The following KIAA0513 variants were observed in gnomAD, a reference collection of about 807,000 sequenced individuals.
The protein encoded by KIAA0513 is KIAA0513.
A neutral mutation model predicts 56.5 loss-of-function variants in KIAA0513; 39 were observed. That is an observed-to-expected ratio of 0.69 (90% CI 0.53 to 0.90). The LOEUF (loss-of-function observed/expected upper bound fraction) is 0.90, where lower values mean the gene tolerates loss of function less well. Ranked by LOEUF, KIAA0513 falls within the 40% of genes least tolerant of loss-of-function variation. KIAA0513 has a pLI of 0.00. For synonymous variants in KIAA0513, 268 were observed against 215.6 expected (o/e 1.24, Z -2.13); for missense variants, 591 against 535.2 (o/e 1.10, Z -1.03).
chr16:85,031,146 C>T (rs2072958712), intron 1 of KIAA0513, among the ~76,000 whole-genome samples: 1 of 152,068 alleles, frequency 6.6e-6, no homozygotes, highest in Admixed American at 6.6e-5. Context: ...CTGTAGAGGC[C>T]CAAGGTTCCA....
intron 1 of KIAA0513, among the ~76,000 whole-genome samples, chr16:85,057,763 G>GT: frequency 6.9e-6 from 1 of 144,842 alleles, no homozygotes; most frequent in Admixed American, 6.7e-5. Context: ...TCTGCTTTTT[G>GT]TTTTTGTTTT....
chr16:85,072,570 T>A (rs1043335538), intron 3 of KIAA0513, among the ~76,000 whole-genome samples: 4 of 152,126 alleles, frequency 2.6e-5, no homozygotes, highest in African/African-American at 9.7e-5. Context: ...AAAATGCAGA[T>A]GAGCAAAGAG....
In KIAA0513 at chr16:85,076,995, T is replaced by A. The variant is rs369527637; in HGVS notation, c.575-430T>A. Among the ~76,000 whole-genome samples the A allele has an allele frequency of 1.1e-4, 16 of 151,936 alleles. 1 individual carries two copies. In the South Asian group the frequency reaches 3.3e-3, roughly 32 times the overall value. ...CATGTCCATCCACTGGCTAAGGGAGTTTGGGTGCTGCCCAGACTCCTCCTC... is the reference window on the plus strand; with the variant it reads ...CATGTCCATCCACTGGCTAAGGGAGATTGGGTGCTGCCCAGACTCCTCCTC... On this transcript the variant is annotated intron_variant, in intron 5 of 12. Transcript: ENST00000683363. The surrounding 1 kb of genome is among the most constrained non-coding windows in gnomAD (Gnocchi z 4.7).
At chr16:85,068,990 A>G (rs1196773613) in intron 2 of KIAA0513, among the ~76,000 whole-genome samples, 1 of 152,108 alleles carries the variant, frequency 6.6e-6, no homozygotes, top group African/African-American at 2.4e-5. Context: ...CCAACGTAAG[A>G]TAATAAAGCT....
rs764554631 is a variant in KIAA0513, at chr16:85,078,384, G to A, written c.783-31G>A. The A allele has an allele frequency of 3.8e-5, 62 of 1,613,256 alleles. No individual in the cohort carries two copies. The Middle Eastern group carries it at 6.6e-4, about 17-fold the overall frequency. On this transcript the variant is annotated intron_variant, in intron 6 of 12. Transcript: ENST00000683363. The stretch of plus-strand genomic sequence containing the variant: ...GTTGAGAAAGTGTGGTGTGAGTCGC[G>A]TGTGTCATCATTGTGCCTTCTCTCC...
intron 1 of KIAA0513, among the ~76,000 whole-genome samples, chr16:85,060,764 A>G (rs2073392540): frequency 6.6e-6 from 1 of 151,848 alleles, no homozygotes; most frequent in South Asian, 2.1e-4. Context: ...GGATCACTTG[A>G]GCACAGGAGG....
intron 1 of KIAA0513, among the ~76,000 whole-genome samples, chr16:85,048,521 C>T (rs996665328): frequency 1.5e-5 from 2 of 129,060 alleles, no homozygotes; most frequent in Admixed American, 7.3e-5. Context: ...CACTCTCACC[C>T]TCTCCCCCCT....
intron 3 of KIAA0513, 21 bp downstream of exon 3, chr16:85,071,903 A>T: frequency 6.8e-7 from 1 of 1,472,104 alleles, no homozygotes; most frequent in Non-Finnish European, 9.5e-7. Flanking sequence ...GGTGATGGGA[A>T]GGATGGGCGT....
At chr16:85,087,218 G>A in intron 12 of KIAA0513, 52 bp downstream of exon 12, 1 of 1,455,260 alleles carries the variant, frequency 6.9e-7, no homozygotes, top group Non-Finnish European at 9.7e-7. Flanking sequence ...GGGGTCAGGA[G>A]CCAGTGCTGT....
At chr16:85,038,912 C>T (rs1001439924) in intron 1 of KIAA0513, among the ~76,000 whole-genome samples, 1 of 152,166 alleles carries the variant, frequency 6.6e-6, no homozygotes, top group Non-Finnish European at 1.5e-5. Flanking sequence ...GGCTCAAGGG[C>T]CGCATGTGGC....
chr16:85,083,310 T>C lies in KIAA0513; in HGVS notation c.1010+717T>C, dbSNP rs10163376. ...AGAGTCGCTGATCTGCCTCTTTAAA[T>C]AGAGTCCCTGAGACGATGGCTCTTT... On this transcript the variant is annotated intron_variant, in intron 10 of 12. Coordinates refer to ENST00000683363, the MANE Select transcript of KIAA0513 (RefSeq NM_001388359.1). Among the ~76,000 whole-genome samples, 713 of 152,306 alleles carry C rather than the reference T, an allele frequency of 4.7e-3. 4 individuals carry two copies. Among genetic ancestry groups the C allele is most frequent in the African/African-American group, 0.016 (665 of 41,570 alleles).
At chr16:85,068,127 C>T (rs956949928) in intron 2 of KIAA0513, among the ~76,000 whole-genome samples, 5 of 151,008 alleles carry the variant, frequency 3.3e-5, no homozygotes, top group Non-Finnish European at 7.4e-5. Context: ...TGTTATTTTC[C>T]AGTGCATGTT....
chr16:85,043,893 G>A (rs1336855941), intron 1 of KIAA0513, among the ~76,000 whole-genome samples: 9 of 152,312 alleles, frequency 5.9e-5, no homozygotes, highest in East Asian at 1.9e-4. Context: ...TTAGCCGGGC[G>A]AGGTGGCGCA....
intron 10 of KIAA0513, among the ~76,000 whole-genome samples, chr16:85,083,657 C>A (rs1421185673): frequency 6.6e-6 from 1 of 152,196 alleles, no homozygotes; most frequent in East Asian, 1.9e-4. Flanking sequence ...GGACAGCTGG[C>A]CTCTTGGGCC....
Position 85,070,546 on chromosome 16 carries a change from C to CA in KIAA0513, c.330-1236dup, listed in dbSNP as rs1246556033. On this transcript the variant is annotated intron_variant, in intron 2 of 12. Transcript: ENST00000683363. ...CACAAAAATTAGCTGGGCGTGGTGG[C>CA]AGGTGCCTGTAATCCCTGCTACTCG... Among the ~76,000 whole-genome samples, 4 of 152,270 alleles carry CA rather than the reference C, an allele frequency of 2.6e-5. No individual in the cohort carries two copies. In the East Asian group the frequency reaches 5.8e-4, roughly 22 times the overall value.
At chr16:85,053,273 A>G (rs758288278) in intron 1 of KIAA0513, among the ~76,000 whole-genome samples, 25 of 152,192 alleles carry the variant, frequency 1.6e-4, no homozygotes, top group Non-Finnish European at 2.6e-4. Context: ...CATGCCTGAT[A>G]CACGGAAGGT....
At chr16:85,065,782 T>A (rs1301431949) in intron 1 of KIAA0513, among the ~76,000 whole-genome samples, 1 of 152,182 alleles carries the variant, frequency 6.6e-6, no homozygotes, top group Non-Finnish European at 1.5e-5. Flanking sequence ...CCTTCCCGCC[T>A]AGCTGTCTGC....
intron 1 of KIAA0513, among the ~76,000 whole-genome samples, chr16:85,059,782 G>T (rs72803601): frequency 0.04 from 6,086 of 152,274 alleles, 132 homozygotes; most frequent in Non-Finnish European, 0.053. Context: ...TTCGCCCTTC[G>T]AGCTGGGAGG....
intron 1 of KIAA0513, among the ~76,000 whole-genome samples, chr16:85,057,324 A>C (rs2073343703): frequency 6.6e-6 from 1 of 152,222 alleles, no homozygotes; most frequent in Non-Finnish European, 1.5e-5. Flanking sequence ...ATAAATCAGC[A>C]GCAGGGCATT....
Sources: allele counts gnomAD v4.1 joint callset (sites outside exome capture counted in the v4.1 genomes callset), GRCh38; gene constraint gnomAD v4.1.1; non-coding constraint Gnocchi (gnomAD v3.1); transcripts MANE v1.5; gene names NCBI Gene and HGNC (gene_info 2026-07-23, HGNC 2026-07-21).